CCDC178: variants seen among roughly 807,000 people sequenced by gnomAD.
The protein encoded by CCDC178 is coiled-coil domain-containing protein 178.
In CCDC178, 126 loss-of-function variants were observed where a neutral mutation model predicts 117.4. The ratio of observed to expected loss-of-function variants is 1.07; its 90% CI spans 0.93 to 1.24. The LOEUF (loss-of-function observed/expected upper bound fraction) is 1.24, where lower values mean the gene tolerates loss of function less well. Among genes scored for constraint, CCDC178 ranks in the 50% most tolerant of loss-of-function variants. The pLI, the probability that CCDC178 is intolerant of heterozygous loss-of-function variation, is 0.00. For synonymous variants in CCDC178, 283 were observed against 313.4 expected (o/e 0.90, Z 1.02); for missense variants, 1,030 against 986.9 (o/e 1.04, Z -0.59).
chr18:33,150,822 A>T (rs2058332485), intron 20 of CCDC178, among the ~76,000 whole-genome samples: 1 of 152,246 alleles, frequency 6.6e-6, no homozygotes, highest in Non-Finnish European at 1.5e-5. Flanking sequence ...AGACATATGC[A>T]CACGGATGGT....
At chr18:33,418,720 C>T (rs763367191) in intron 2 of CCDC178, among the ~76,000 whole-genome samples, 1 of 152,116 alleles carries the variant, frequency 6.6e-6, no homozygotes, top group Non-Finnish European at 1.5e-5. Context: ...AATGCCAAGT[C>T]AAGAACACAA....
intron 21 of CCDC178, among the ~76,000 whole-genome samples, chr18:33,007,687 C>A (rs546900100): frequency 6.6e-6 from 1 of 152,200 alleles, no homozygotes; most frequent in East Asian, 1.9e-4. Context: ...CACCTAAGTA[C>A]ATACAAATCA....
chr18:33,035,125 A>C (rs1184725329), intron 21 of CCDC178, among the ~76,000 whole-genome samples: 1 of 151,972 alleles, frequency 6.6e-6, no homozygotes, highest in Non-Finnish European at 1.5e-5. Flanking sequence ...ACTTCTAGAG[A>C]GGAGAGATGG....
At chr18:33,303,407 T>A (rs2144916987) in intron 11 of CCDC178, among the ~76,000 whole-genome samples, 1 of 152,268 alleles carries the variant, frequency 6.6e-6, no homozygotes, top group Admixed American at 6.5e-5. Context: ...TGAATAATAT[T>A]ATAGTTGTGT....
At chr18:33,185,250 A>G (rs2058776773) in intron 20 of CCDC178, among the ~76,000 whole-genome samples, 1 of 152,046 alleles carries the variant, frequency 6.6e-6, no homozygotes, top group South Asian at 2.1e-4. Context: ...ACTTGCAAGG[A>G]TGAACAAGAA....
At chr18:33,423,513 T>C (rs1246557454) in intron 2 of CCDC178, among the ~76,000 whole-genome samples, 1 of 152,180 alleles carries the variant, frequency 6.6e-6, no homozygotes, top group Admixed American at 6.5e-5. Flanking sequence ...AACACTTCCA[T>C]TGTTTTTAAA....
intron 15 of CCDC178, among the ~76,000 whole-genome samples, chr18:33,242,279 A>G (rs1291610283): frequency 1.3e-5 from 2 of 151,874 alleles, no homozygotes; most frequent in Non-Finnish European, 2.9e-5. Context: ...ACCTAACTGT[A>G]AGACCCCAAA....
chr18:32,960,752 G>C (rs1303814788), intron 22 of CCDC178, among the ~76,000 whole-genome samples: 1 of 151,804 alleles, frequency 6.6e-6, no homozygotes, highest in Non-Finnish European at 1.5e-5. Context: ...GATGCCCCTT[G>C]GATTGTCAAT....
At chr18:33,215,518 ACTT>A in intron 19 of CCDC178, 29 bp downstream of exon 19, 1 of 1,112,142 alleles carries the variant, frequency 9.0e-7, no homozygotes, top group Non-Finnish European at 1.2e-6. Context: ...TTTTTTAAAA[ACTT>A]CATATTTTGA....
At chr18:32,972,444 AAGT>A (rs1482748484) in intron 22 of CCDC178, among the ~76,000 whole-genome samples, 1 of 152,114 alleles carries the variant, frequency 6.6e-6, no homozygotes, top group Non-Finnish European at 1.5e-5. Flanking sequence ...GTTTGAAGTC[AAGT>A]AGCATGATGC....
intron 21 of CCDC178, among the ~76,000 whole-genome samples, chr18:33,018,512 T>C (rs1437450923): frequency 6.6e-6 from 1 of 152,010 alleles, no homozygotes; most frequent in Admixed American, 6.6e-5. Flanking sequence ...GATGAATGAA[T>C]AAACAAAATA....
chr18:33,335,107 T>A (rs1271476136), intron 9 of CCDC178, among the ~76,000 whole-genome samples: 2 of 152,004 alleles, frequency 1.3e-5, no homozygotes, highest in Admixed American at 1.3e-4. Flanking sequence ...TTTGCATCTC[T>A]TCTGCATTAC....
Position 33,224,700 on chromosome 18 carries a change from A to T in CCDC178, c.1818+75T>A, listed in dbSNP as rs1426119831. On this transcript the variant is annotated intron_variant, in intron 17 of 22. Coordinates refer to ENST00000383096, the MANE Select transcript of CCDC178 (RefSeq NM_001105528.4). ...GTGAAATCATAATTTCCCAAATGAT[A>T]ATGTAAAATCACATGCGTAACTTAC... 4.2e-6 allele frequency: 4 copies of T among 958,248 alleles called. No individual in the cohort carries two copies. In the East Asian group the frequency reaches 1.2e-4, roughly 28 times the overall value. The allele number at this position is 958,248 out of a possible 1,614,324, so 59.4% of individuals were successfully genotyped here. A position where few individuals can be genotyped will look rare whatever the true frequency, so the allele number is the denominator to read the frequency against.
chr18:33,026,297 A>G (rs188939233), intron 21 of CCDC178, among the ~76,000 whole-genome samples: 1 of 152,228 alleles, frequency 6.6e-6, no homozygotes, highest in Admixed American at 6.5e-5. Context: ...TGGGCGTATG[A>G]ATATCAATAT....
chr18:33,424,385 G>A (rs939933608), intron 2 of CCDC178, among the ~76,000 whole-genome samples: 2 of 152,184 alleles, frequency 1.3e-5, no homozygotes, highest in African/African-American at 2.4e-5. Context: ...ATAGTGTAAG[G>A]TACGTGGATG....
At chr18:33,087,070 TTAAA>T (rs1451104312) in intron 21 of CCDC178, among the ~76,000 whole-genome samples, 1 of 151,118 alleles carries the variant, frequency 6.6e-6, no homozygotes, top group East Asian at 1.9e-4. Flanking sequence ...AAATTTTATC[TTAAA>T]TATTTTTGAT....
chr18:33,410,314 T>C (rs2063833349), intron 3 of CCDC178, among the ~76,000 whole-genome samples: 1 of 152,248 alleles, frequency 6.6e-6, no homozygotes, highest in Non-Finnish European at 1.5e-5. Flanking sequence ...TTCCAAATTG[T>C]GTTTTTGGGG....
chr18:33,398,215 G>A (rs1458196145), intron 3 of CCDC178, among the ~76,000 whole-genome samples: 2 of 151,874 alleles, frequency 1.3e-5, no homozygotes, highest in East Asian at 3.8e-4. Context: ...AGAAATAAAT[G>A]TCTAGATCAA....
intron 22 of CCDC178, chr18:32,957,685 T>A (rs1598731363): frequency 6.6e-6 from 1 of 152,290 alleles, no homozygotes; most frequent in Non-Finnish European, 1.5e-5. Context: ...ACAGAGTAAA[T>A]CAGGATATAG....
Sources: allele counts gnomAD v4.1 joint callset (sites outside exome capture counted in the v4.1 genomes callset), GRCh38; gene constraint gnomAD v4.1.1; transcripts MANE v1.5; gene names NCBI Gene and HGNC (gene_info 2026-07-23, HGNC 2026-07-21).